The following SYNE2 variants were observed in gnomAD, a reference collection of about 807,000 sequenced individuals.
The protein encoded by SYNE2 is spectrin repeat containing nuclear envelope protein 2.
SYNE2 carries 431 observed loss-of-function variants against 856.3 expected under a neutral mutation model. The ratio of observed to expected loss-of-function variants is 0.50; its 90% CI spans 0.47 to 0.55. The LOEUF (loss-of-function observed/expected upper bound fraction) is 0.55. Among genes scored for constraint, SYNE2 ranks in the 20% least tolerant of loss-of-function variants. The probability of loss-of-function intolerance (pLI) is 0.00; values close to 1 mark genes in which losing one functional copy is unlikely to be tolerated. For missense variants in SYNE2, 8,129 were observed against 8,023.2 expected (o/e 1.01, Z -0.50); for synonymous variants, 2,923 against 2,872.3 (o/e 1.02, Z -0.56).
At position 64,052,006 on chromosome 14, in the gene SYNE2, A is replaced by T. The variant is rs1425077881; in HGVS notation, c.8093A>T (p.Glu2698Val). The change falls in exon 48 of 116, where the codon GAA becomes GTA. Residue 2698 changes from glutamate to valine, a missense_variant. This residue lies in a region of SYNE2 where 5,410 missense variants were observed against 5,284.8 expected (regional missense o/e 1.02). Transcript: ENST00000555002. ...LQMKRIWGEK[E>V]KKNLEDGINN... is the part of the protein sequence containing the mutation. ...ATGAAGAGGATTTGGGGAGAAAAAGAAAAGAAGAATTTGGAGGATGGAATA... is the reference window on the plus strand; with the variant it reads ...ATGAAGAGGATTTGGGGAGAAAAAGTAAAGAAGAATTTGGAGGATGGAATA... 1 of 1,613,838 alleles carries T rather than the reference A, an allele frequency of 6.2e-7. No individual in the cohort carries two copies.
In SYNE2 at chr14:63,818,344, CAAAAAAA is replaced by C. The variant is rs34448523; in HGVS notation, c.-304-34139_-304-34133del. ...GTGAGACTCTGTCAAGACTCCGTCT[CAAAAAAA>C]AAAAAAAAAAAAAAAAATTAGTTGG... On this transcript the variant is annotated intron_variant, in intron 1 of 23. Transcript: ENST00000674003. Among the ~76,000 whole-genome samples the C allele has an allele frequency of 3.9e-4, 34 of 86,534 alleles. 1 individual carries two copies. Among genetic ancestry groups the C allele is most frequent in the African/African-American group, 1.2e-3 (27 of 21,964 alleles). The allele number at this position is 86,534 out of a possible 152,430, so 56.8% of individuals were successfully genotyped here. A position where few individuals can be genotyped will look rare whatever the true frequency, so the allele number is the denominator to read the frequency against.
rs1310774603 is a variant in SYNE2 at position 64,051,399 on chromosome 14, A to G, written c.7644-158A>G. Among the ~76,000 whole-genome samples, 3 of 151,968 alleles carry G rather than the reference A, an allele frequency of 2.0e-5. No homozygotes were observed. The East Asian group carries it at 5.8e-4, about 29-fold the overall frequency. On this transcript the variant is annotated intron_variant, in intron 47 of 115. Transcript: ENST00000555002. ...CCAATTGAAAGCCACAGTAAACAAG[A>G]TTCTGATTTTTATTTTAAGGATAGA...
chr14:63,791,949 A>C (rs1490200644), intron 1 of SYNE2, among the ~76,000 whole-genome samples: 1 of 151,606 alleles, frequency 6.6e-6, no homozygotes, highest in Non-Finnish European at 1.5e-5. Flanking sequence ...GTCTCAAAAA[A>C]AAAAACAAAA....
chr14:63,803,616 C>G (rs745523543), intron 1 of SYNE2, among the ~76,000 whole-genome samples: 7 of 152,208 alleles, frequency 4.6e-5, no homozygotes, highest in African/African-American at 1.7e-4. Flanking sequence ...CAAGCACGCA[C>G]GCAGCCCCGG....
chr14:63,864,473 A>G (rs1894665689), intron 1 of SYNE2: 1 of 152,220 alleles, frequency 6.6e-6, no homozygotes, highest in African/African-American at 2.4e-5. Flanking sequence ...CTGGAAGGTA[A>G]GCTTGTTCCT....
chr14:63,997,492 C>T (rs1392593941), intron 25 of SYNE2, 101 bp downstream of exon 25: 28 of 1,006,972 alleles, frequency 2.8e-5, no homozygotes, highest in African/African-American at 3.2e-5. Flanking sequence ...TTTAATTATT[C>T]GATTGTTTTT....
At chr14:64,158,293 A>G (rs207474914) in intron 85 of SYNE2, among the ~76,000 whole-genome samples, 5 of 152,228 alleles carry the variant, frequency 3.3e-5, no homozygotes, top group African/African-American at 9.6e-5. Context: ...AAGTTGCCCA[A>G]GGTCAGAAAG....
intron 108 of SYNE2, 87 bp downstream of exon 108, chr14:64,216,474 G>C (rs779698761): frequency 1.4e-6 from 2 of 1,406,640 alleles, no homozygotes; most frequent in South Asian, 2.3e-5. Context: ...TGTAAACTGC[G>C]TGTATTCATT....
In SYNE2 at chr14:64,214,254, A is replaced by G; in HGVS notation, c.19117A>G (p.Ile6373Val). ...AACAGACATGGAAGACCCCAGAGAAATCCAGACTGATTCTTGGCGTAAACG... is the reference window on the plus strand; with the variant it reads ...AACAGACATGGAAGACCCCAGAGAAGTCCAGACTGATTCTTGGCGTAAACG... ...NETDMEDPRE[I>V]QTDSWRKRGE... The change falls in exon 106 of 116, where the codon ATC (isoleucine) becomes GTC (valine). Residue 6373 changes from isoleucine to valine, a missense_variant. Ile to Val is a conservative substitution (Grantham distance 29). Transcript: ENST00000555002. 1 of 1,614,116 alleles carries G rather than the reference A, an allele frequency of 6.2e-7. No homozygotes were observed. The highest frequency in any genetic ancestry group is 8.5e-7 in the Non-Finnish European group (1 of 1,180,014).
chr14:64,036,857 C>A (rs1361605951), intron 45 of SYNE2, among the ~76,000 whole-genome samples: 3 of 152,076 alleles, frequency 2.0e-5, no homozygotes. Context: ...AGTGAGGATC[C>A]CCACATAAAC....
At chr14:63,944,517 CTTTTTTTTTTT>C (rs1188374243) in intron 6 of SYNE2, among the ~76,000 whole-genome samples, 92 of 90,138 alleles carry the variant, frequency 1.0e-3, no homozygotes, top group Non-Finnish European at 1.5e-3. Context: ...TAAAGCCTTT[CTTTTTTTTTTT>C]TTTTTTTTTT....
intron 68 of SYNE2, among the ~76,000 whole-genome samples, chr14:64,121,542 A>C (rs907019713): frequency 6.6e-6 from 1 of 152,086 alleles, no homozygotes; most frequent in Admixed American, 6.5e-5. Context: ...AAAACAAACA[A>C]ACAAAAAAAA....
At chr14:63,924,832 G>GTTTTTTTTT (rs1491139905) in intron 2 of SYNE2, among the ~76,000 whole-genome samples, 4,528 of 92,514 alleles carry the variant, frequency 0.049, 1,155 homozygotes, top group South Asian at 0.072. Context: ...TCCAGCCTTG[G>GTTTTTTTTT]TGTTTTTTTT....
intron 11 of SYNE2, among the ~76,000 whole-genome samples, chr14:63,970,499 A>C (rs140223545): frequency 1.3e-5 from 2 of 151,714 alleles, no homozygotes; most frequent in Non-Finnish European, 1.5e-5. Flanking sequence ...TGCCTAGCCT[A>C]TCCCCTCTCT....
rs781173263 is a variant in SYNE2, at chr14:64,212,105, G to A, written c.18861+7G>A. 2 of 1,613,954 alleles carry A rather than the reference G, an allele frequency of 1.2e-6. No homozygotes were observed. Among genetic ancestry groups the A allele is most frequent in the East Asian group, 2.2e-5 (1 of 44,884 alleles). On this transcript the variant is annotated splice_region_variant and intron_variant, in intron 104 of 115. Coordinates refer to ENST00000555002, the MANE Select transcript of SYNE2 (RefSeq NM_182914.3). ...CAAGATGCGCCAACTGAATGTGAGG[G>A]CTGCTGCTTCCCTAGCTCTTCTCAA...
intron 100 of SYNE2, among the ~76,000 whole-genome samples, chr14:64,207,796 T>TTA (rs2098615050): frequency 6.6e-6 from 1 of 152,178 alleles, no homozygotes; most frequent in South Asian, 2.1e-4. Flanking sequence ...TATCAAATAA[T>TTA]TAAAATAGAA....
At chr14:64,076,158 GA>G in intron 54 of SYNE2, 58 bp downstream of exon 54, 1 of 1,566,966 alleles carries the variant, frequency 6.4e-7, no homozygotes, top group Non-Finnish European at 8.7e-7. Context: ...CTATCAGGAG[GA>G]AAATATCATT....
At position 64,049,787 on chromosome 14, in the gene SYNE2, A is replaced by G. The variant is rs556676258; in HGVS notation, c.7554A>G (p.Gln2518=). Residue 2518 remains glutamine (Q), a synonymous_variant, in exon 47 of 116, where the codon CAA becomes CAG. Coordinates refer to ENST00000555002, the MANE Select transcript of SYNE2 (RefSeq NM_182914.3). ...CTTTGAAGAAAAACAAAGAAAGCCA[A>G]TATTGTGTCCTCAGAGATTTTCAGG... The part of the protein sequence containing the change: ...LITLKKNKES[Q]YCVLRDFQEY... 47 of 1,614,172 alleles carry G rather than the reference A, an allele frequency of 2.9e-5. No homozygotes were observed. The East Asian group carries it at 5.3e-4, about 18-fold the overall frequency.
At chr14:63,819,615 C>T (rs1461675989) in intron 1 of SYNE2, among the ~76,000 whole-genome samples, 2 of 151,566 alleles carry the variant, frequency 1.3e-5, no homozygotes, top group Non-Finnish European at 2.9e-5. Flanking sequence ...CAGCTCACTG[C>T]AAGCTCCGCC....
Sources: gnomAD v4.1 joint callset for allele counts (sites outside exome capture counted in the v4.1 genomes callset) on GRCh38, gnomAD v4.1.1 for gene constraint, gnomAD v4.1.1 regional missense constraint, MANE v1.5 for transcripts, NCBI Gene and HGNC (gene_info 2026-07-23, HGNC 2026-07-21) for gene names.